GRIK2: variants seen among roughly 807,000 people sequenced by gnomAD.
GRIK2 encodes the protein glutamate ionotropic receptor kainate type subunit 2, also known as glutamate receptor ionotropic, kainate 2.
A neutral mutation model predicts 100.3 loss-of-function variants in GRIK2; 32 were observed. The ratio of observed to expected loss-of-function variants is 0.32; its 90% CI spans 0.24 to 0.43. The LOEUF (loss-of-function observed/expected upper bound fraction) is 0.43, where lower values mean the gene tolerates loss of function less well. Ranked by LOEUF, GRIK2 falls within the 20% of genes least tolerant of loss-of-function variation. The pLI is 1.00. For synonymous variants in GRIK2, 417 were observed against 389.4 expected, an observed-to-expected ratio of 1.07 and a Z score of -0.83; for missense variants, 843 against 1,114.9, an observed-to-expected ratio of 0.76 and a Z score of 3.47.
intron 7 of GRIK2, among the ~76,000 whole-genome samples, chr6:101,743,442 A>C (rs1776174488): frequency 6.6e-6 from 1 of 152,126 alleles, no homozygotes; most frequent in Non-Finnish European, 1.5e-5. Flanking sequence ...TTATATGAAA[A>C]ATTTCTTAAC....
intron 2 of GRIK2, among the ~76,000 whole-genome samples, chr6:101,428,111 C>T (rs1343131036): frequency 6.6e-6 from 1 of 152,078 alleles, no homozygotes; most frequent in Non-Finnish European, 1.5e-5. Context: ...CACCTATGAA[C>T]AAAAATGTCA....
At chr6:101,517,037 G>A (rs1774621994) in intron 2 of GRIK2, among the ~76,000 whole-genome samples, 1 of 151,934 alleles carries the variant, frequency 6.6e-6, no homozygotes, top group African/African-American at 2.4e-5. Flanking sequence ...TTATTTTCTG[G>A]ATATGTTTTC....
At chr6:101,881,016 A>C (rs1184362599) in intron 11 of GRIK2, among the ~76,000 whole-genome samples, 2 of 151,920 alleles carry the variant, frequency 1.3e-5, no homozygotes, top group African/African-American at 2.4e-5. Flanking sequence ...TTATTTTCAG[A>C]AAAGAGTTGT....
At chr6:101,712,920 T>C (rs773887438) in intron 7 of GRIK2, among the ~76,000 whole-genome samples, 2 of 151,840 alleles carry the variant, frequency 1.3e-5, no homozygotes, top group African/African-American at 4.8e-5. Flanking sequence ...TCATAAAAAG[T>C]AGAGCTCTTC....
intron 7 of GRIK2, among the ~76,000 whole-genome samples, chr6:101,761,769 T>G: frequency 8.1e-6 from 1 of 122,974 alleles, no homozygotes; most frequent in Admixed American, 8.2e-5. Context: ...ATGCCCCCAT[T>G]TCCCTCCCTC....
intron 7 of GRIK2, among the ~76,000 whole-genome samples, chr6:101,783,587 G>T (rs1479714942): frequency 3.9e-5 from 6 of 152,148 alleles, no homozygotes; most frequent in Admixed American, 6.5e-5. Flanking sequence ...AACAGGCAAA[G>T]GTTGTAACAG....
intron 2 of GRIK2, among the ~76,000 whole-genome samples, chr6:101,449,349 C>T (rs1002444794): frequency 2.6e-5 from 4 of 151,464 alleles, no homozygotes; most frequent in Non-Finnish European, 4.4e-5. Flanking sequence ...TAGCTGAAAT[C>T]GACACCAAAC....
rs749302924 is a variant in GRIK2 at position 101,584,635 on chromosome 6, CCTT to C, written c.116-37311_116-37309del. Among the ~76,000 whole-genome samples the C allele has an allele frequency of 5.3e-5, 8 of 152,050 alleles. No individual in the cohort carries two copies. The East Asian group carries it at 1.4e-3, about 26-fold the overall frequency. ...ATAAGCATCAAAGTTGTTACTAGCT[CCTT>C]CTGTACTGTACAATTGTTTCAATTT... On this transcript the variant is annotated intron_variant, in intron 2 of 16. Coordinates refer to ENST00000369134, the MANE Select transcript of GRIK2 (RefSeq NM_021956.5).
At chr6:102,064,363 C>CTTCT (rs140157701) in intron 16 of GRIK2, among the ~76,000 whole-genome samples, 3,422 of 142,294 alleles carry the variant, frequency 0.024, 57 homozygotes, top group Admixed American at 0.036. Flanking sequence ...TCCTTCCTTC[C>CTTCT]TTCTTTCTTT....
intron 10 of GRIK2, among the ~76,000 whole-genome samples, chr6:101,821,248 T>C (rs1781930744): frequency 6.6e-6 from 1 of 152,164 alleles, no homozygotes; most frequent in Non-Finnish European, 1.5e-5. Flanking sequence ...TTGAGAAGTG[T>C]TCAGATATTG....
intron 4 of GRIK2, among the ~76,000 whole-genome samples, chr6:101,676,219 G>A (rs1198844970): frequency 6.6e-6 from 1 of 152,178 alleles, no homozygotes; most frequent in African/African-American, 2.4e-5. Context: ...CTGCAGGGGA[G>A]TAGAACTGGG....
chr6:101,727,973 G>A (rs1201732357), intron 7 of GRIK2, among the ~76,000 whole-genome samples: 2 of 151,930 alleles, frequency 1.3e-5, no homozygotes, highest in African/African-American at 2.4e-5. Context: ...ATGCATCAAA[G>A]CCTAATTAAG....
At chr6:101,778,312 A>T (rs1214308157) in intron 7 of GRIK2, among the ~76,000 whole-genome samples, 3 of 152,178 alleles carry the variant, frequency 2.0e-5, no homozygotes, top group Admixed American at 2.0e-4. Context: ...TCCAAGAAAA[A>T]TGGTGAATCA....
intron 7 of GRIK2, among the ~76,000 whole-genome samples, chr6:101,714,955 AATTAAT>A (rs1462859656): frequency 2.0e-5 from 3 of 151,774 alleles, no homozygotes; most frequent in African/African-American, 4.8e-5. Context: ...ATGTGAGTAA[AATTAAT>A]ATTAAGAGAG....
intron 2 of GRIK2, among the ~76,000 whole-genome samples, chr6:101,455,947 A>G (rs998374906): frequency 5.9e-5 from 9 of 152,070 alleles, no homozygotes; most frequent in African/African-American, 2.2e-4. Context: ...ATATAATTGA[A>G]TTAAACAGCT....
rs530301268 is a variant in GRIK2, at chr6:101,948,668, T to A, written c.2085+20036T>A. Among the ~76,000 whole-genome samples the A allele has an allele frequency of 3.5e-3, 534 of 151,844 alleles. 3 individuals carry two copies. Among genetic ancestry groups the A allele is most frequent in the Middle Eastern group, 6.8e-3 (2 of 292 alleles). ...TTGTTTTAATTAAATAGAGACAGGG[T>A]CCCACTACGTTGCCCAGACTAGTCC... On this transcript the variant is annotated intron_variant, in intron 14 of 16. Coordinates refer to ENST00000369134, the MANE Select transcript of GRIK2 (RefSeq NM_021956.5).
intron 7 of GRIK2, among the ~76,000 whole-genome samples, chr6:101,693,790 T>C (rs1772278654): frequency 6.6e-6 from 1 of 152,060 alleles, no homozygotes; most frequent in Non-Finnish European, 1.5e-5. Flanking sequence ...TGTGACTATA[T>C]CATATATATG....
chr6:101,716,568 G>C (rs1206725934), intron 7 of GRIK2, among the ~76,000 whole-genome samples: 1 of 133,122 alleles, frequency 7.5e-6, no homozygotes, highest in African/African-American at 2.8e-5. Context: ...GCCCTTATAG[G>C]TGTTGAGCTT....
At chr6:101,824,397 AT>A (rs1302152242) in intron 10 of GRIK2, among the ~76,000 whole-genome samples, 1 of 152,108 alleles carries the variant, frequency 6.6e-6, no homozygotes, top group Non-Finnish European at 1.5e-5. Flanking sequence ...TTGGTTTTCT[AT>A]TCCTGAGTTA....
Sources: gnomAD v4.1 joint callset for allele counts (sites outside exome capture counted in the v4.1 genomes callset) on GRCh38, gnomAD v4.1.1 for gene constraint, MANE v1.5 for transcripts, NCBI Gene and HGNC (gene_info 2026-07-23, HGNC 2026-07-21) for gene names.